The following PTPRD variants were observed in gnomAD, a reference collection of about 807,000 sequenced individuals.
PTPRD encodes protein tyrosine phosphatase receptor type D.
PTPRD carries 34 observed loss-of-function variants against 214.5 expected under a neutral mutation model. The observed-to-expected ratio is 0.16, with a 90% CI of 0.12 to 0.21. The LOEUF (loss-of-function observed/expected upper bound fraction) is 0.21. Among genes scored for constraint, PTPRD ranks in the 10% least tolerant of loss-of-function variants. The pLI, the probability that PTPRD is intolerant of heterozygous loss-of-function variation, is 1.00. For synonymous variants in PTPRD, 1,128 were observed against 845.7 expected, an observed-to-expected ratio of 1.33 and a Z score of -5.79; for missense variants, 2,545 against 2,398.7, an observed-to-expected ratio of 1.06 and a Z score of -1.27.
At chr9:10,026,195 C>T (rs546222209) in intron 4 of PTPRD, among the ~76,000 whole-genome samples, 1 of 152,300 alleles carries the variant, frequency 6.6e-6, no homozygotes, top group Non-Finnish European at 1.5e-5. Context: ...GTTCTTTCAC[C>T]ATGTCCCAAA....
intron 5 of PTPRD, among the ~76,000 whole-genome samples, chr9:9,928,811 T>TA (rs1374170629): frequency 6.7e-6 from 1 of 149,046 alleles, no homozygotes; most frequent in Non-Finnish European, 1.5e-5. Context: ...GAAGAAAACT[T>TA]AATTTTTTGA....
intron 3 of PTPRD, among the ~76,000 whole-genome samples, chr9:10,239,145 C>T (rs899454051): frequency 1.3e-5 from 2 of 151,918 alleles, no homozygotes; most frequent in African/African-American, 4.8e-5. Context: ...ATAAAGCAAT[C>T]TCTATCTAAA....
chr9:9,793,285 C>T (rs2761734), intron 5 of PTPRD, among the ~76,000 whole-genome samples: 1 of 151,924 alleles, frequency 6.6e-6, no homozygotes, highest in Non-Finnish European at 1.5e-5. Flanking sequence ...ATCTATAAAA[C>T]GTGCCATTTG....
At chr9:10,512,959 A>G (rs1320198785) in intron 2 of PTPRD, among the ~76,000 whole-genome samples, 1 of 152,134 alleles carries the variant, frequency 6.6e-6, no homozygotes, top group Non-Finnish European at 1.5e-5. Context: ...GAGATCTAGG[A>G]TAGATATTAT....
At chr9:9,443,309 T>C (rs2088994173) in intron 8 of PTPRD, among the ~76,000 whole-genome samples, 1 of 152,230 alleles carries the variant, frequency 6.6e-6, no homozygotes, top group South Asian at 2.1e-4. Context: ...TCTCTACTTC[T>C]AGTTAGCATT....
intron 3 of PTPRD, among the ~76,000 whole-genome samples, chr9:10,300,596 T>G (rs1284913720): frequency 6.6e-6 from 1 of 152,128 alleles, no homozygotes; most frequent in Non-Finnish European, 1.5e-5. Context: ...CGTCTGCCAT[T>G]GCTGAGGCTT....
At chr9:9,101,683 G>C (rs896658784) in intron 10 of PTPRD, among the ~76,000 whole-genome samples, 6 of 152,186 alleles carry the variant, frequency 3.9e-5, no homozygotes, top group Admixed American at 2.6e-4. Context: ...CTAAAGACTT[G>C]AGACATGATG....
chr9:9,750,391 G>A (rs992175675), intron 6 of PTPRD, among the ~76,000 whole-genome samples: 3 of 151,984 alleles, frequency 2.0e-5, no homozygotes, highest in African/African-American at 7.3e-5. Flanking sequence ...AGAAATTATA[G>A]ACTCCCTCAG....
chr9:9,350,456 C>T (rs1351743480), intron 9 of PTPRD, among the ~76,000 whole-genome samples: 3 of 151,964 alleles, frequency 2.0e-5, no homozygotes, highest in Admixed American at 6.6e-5. Context: ...TCTCTAAATC[C>T]TTTGTGTAAT....
intron 27 of PTPRD, 87 bp downstream of exon 27, chr9:8,492,775 T>C: frequency 1.1e-6 from 1 of 883,724 alleles, no homozygotes; most frequent in East Asian, 2.6e-5. Flanking sequence ...CTGATTTTAC[T>C]ATAATAAAAG....
At chr9:9,766,217 T>C (rs888130390) in intron 6 of PTPRD, among the ~76,000 whole-genome samples, 3 of 152,176 alleles carry the variant, frequency 2.0e-5, no homozygotes, top group African/African-American at 4.8e-5. Context: ...TTTTCAATAA[T>C]CTTTAATAAC....
At chr9:10,465,611 T>A (rs1336198967) in intron 2 of PTPRD, among the ~76,000 whole-genome samples, 1 of 152,176 alleles carries the variant, frequency 6.6e-6, no homozygotes, top group African/African-American at 2.4e-5. Flanking sequence ...CTGAAAAGCA[T>A]CACCTTTTCT....
chr9:8,471,265 G>A (rs536897875), intron 30 of PTPRD, among the ~76,000 whole-genome samples, 180 bp from the exon 31 acceptor site: 2 of 152,034 alleles, frequency 1.3e-5, no homozygotes, highest in African/African-American at 4.8e-5. Flanking sequence ...AACAACACGG[G>A]AAGACATTTA....
At chr9:10,580,117 T>C (rs917537353) in intron 2 of PTPRD, among the ~76,000 whole-genome samples, 9 of 152,208 alleles carry the variant, frequency 5.9e-5, no homozygotes, top group African/African-American at 2.2e-4. Context: ...ATGTGTGTCT[T>C]CTATTAAATT....
At chr9:8,347,495 A>C (rs554986616) in intron 39 of PTPRD, among the ~76,000 whole-genome samples, 1 of 152,162 alleles carries the variant, frequency 6.6e-6, no homozygotes, top group East Asian at 1.9e-4. Context: ...ATGAATAAAC[A>C]TCTAATTACA....
intron 9 of PTPRD, among the ~76,000 whole-genome samples, chr9:9,270,567 G>A (rs1350515748): frequency 1.3e-5 from 2 of 151,420 alleles, no homozygotes; most frequent in East Asian, 3.9e-4. Context: ...TGCTCATGCT[G>A]GTGAGTTAGG....
intron 11 of PTPRD, among the ~76,000 whole-genome samples, chr9:8,954,563 A>G (rs2099121286): frequency 6.6e-6 from 1 of 151,880 alleles, no homozygotes; most frequent in East Asian, 1.9e-4. Flanking sequence ...ACAATAATGC[A>G]AAACAGCAAA....
At chr9:9,657,739 G>C (rs1474689399) in intron 7 of PTPRD, among the ~76,000 whole-genome samples, 1 of 152,274 alleles carries the variant, frequency 6.6e-6, no homozygotes, top group African/African-American at 2.4e-5. Flanking sequence ...AGCATTCTTT[G>C]ACATAGGACC....
At chr9:10,428,451 G>T (rs910927453) in intron 2 of PTPRD, among the ~76,000 whole-genome samples, 2 of 151,944 alleles carry the variant, frequency 1.3e-5, no homozygotes, top group Non-Finnish European at 2.9e-5. Flanking sequence ...TTTTCTAAAA[G>T]TGCCACATGT....
Sources: gnomAD v4.1 joint callset for allele counts (sites outside exome capture counted in the v4.1 genomes callset) on GRCh38, gnomAD v4.1.1 for gene constraint, MANE v1.5 for transcripts, NCBI Gene and HGNC (gene_info 2026-07-23, HGNC 2026-07-21) for gene names.